Variants in MACROD2 observed in about 807,000 individuals in gnomAD.
MACROD2 encodes the protein ADP-ribose glycohydrolase MACROD2.
MACROD2 carries 36 observed loss-of-function variants against 70.4 expected under a neutral mutation model. The ratio of observed to expected loss-of-function variants is 0.51; its 90% confidence interval spans 0.39 to 0.68. The LOEUF is 0.68. Among genes scored for constraint, MACROD2 ranks in the 30% least tolerant of loss-of-function variants. The probability of loss-of-function intolerance (pLI) is 0.00; values close to 1 mark genes in which losing one functional copy is unlikely to be tolerated. For synonymous variants in MACROD2, 172 were observed against 178.8 expected (o/e 0.96, Z 0.30); for missense variants, 496 against 538.4 (o/e 0.92, Z 0.78).
chr20:15,589,537 A>T (rs2048649908), intron 8 of MACROD2, among the ~76,000 whole-genome samples: 1 of 152,130 alleles, frequency 6.6e-6, no homozygotes, highest in South Asian at 2.1e-4. Context: ...TGTCATTATC[A>T]CCCATAGTCC....
At chr20:15,120,811 C>A (rs1005434753) in intron 5 of MACROD2, among the ~76,000 whole-genome samples, 3 of 152,134 alleles carry the variant, frequency 2.0e-5, no homozygotes, top group African/African-American at 7.2e-5. Flanking sequence ...GTGGTAGAAA[C>A]ACTTAATAGC....
intron 5 of MACROD2, among the ~76,000 whole-genome samples, chr20:14,945,062 A>G (rs1043127359): frequency 6.6e-6 from 1 of 152,082 alleles, no homozygotes; most frequent in Non-Finnish European, 1.5e-5. Context: ...GCGTTTAAAA[A>G]TTGGAAGATT....
chr20:15,073,608 C>T (rs2075635913), intron 5 of MACROD2, among the ~76,000 whole-genome samples: 1 of 152,002 alleles, frequency 6.6e-6, no homozygotes. Flanking sequence ...TCATAATTCT[C>T]CTTATGTGTA....
In MACROD2 at chr20:15,887,660, G is replaced by C. The variant is rs550648817; in HGVS notation, c.775+1849G>C. 1.4e-4 allele frequency among the ~76,000 whole-genome samples: 22 copies of C among 152,216 alleles called. No individual in the cohort carries two copies. In the South Asian group the frequency reaches 2.7e-3, roughly 19 times the overall value. ...CTGACTCATGTTCTATTCTAATGCT[G>C]TCTAGTAGAAACATAATGTGAGCCT... On this transcript the variant is annotated intron_variant, in intron 10 of 17. Transcript: ENST00000684519.
intron 3 of MACROD2, among the ~76,000 whole-genome samples, chr20:14,442,921 A>G (rs1428067901): frequency 6.6e-6 from 1 of 151,918 alleles, no homozygotes; most frequent in East Asian, 1.9e-4. Flanking sequence ...CTAAAAATAC[A>G]AAAATAATTT....
chr20:14,463,119 C>G (rs1421162482), intron 3 of MACROD2, among the ~76,000 whole-genome samples: 1 of 152,010 alleles, frequency 6.6e-6, no homozygotes, highest in African/African-American at 2.4e-5. Flanking sequence ...TATAAATTAC[C>G]TTGGGCAGTA....
At position 15,846,911 on chromosome 20, in the gene MACROD2, T is replaced by TTATATATATATATATATATATA. The variant is rs33993940; in HGVS notation, c.646-15814_646-15793dup. ...GACCTTGACATAGTCAAAAAAAAAA[T>TTATATATATATATATATATATA]TATATATATATATATATATATATAT... On this transcript the variant is annotated intron_variant, in intron 8 of 17. Transcript: ENST00000684519. Among the ~76,000 whole-genome samples, 9 of 138,164 alleles carry TTATATATATATATATATATATA rather than the reference T, an allele frequency of 6.5e-5. 2 individuals are homozygous for TTATATATATATATATATATATA. Among genetic ancestry groups the TTATATATATATATATATATATA allele is most frequent in the South Asian group, 2.2e-4 (1 of 4,640 alleles). The allele number at this position is 138,164 out of a possible 152,430, so 90.6% of individuals were successfully genotyped here.
chr20:15,151,646 G>T (rs1173499395), intron 5 of MACROD2, among the ~76,000 whole-genome samples: 1 of 152,100 alleles, frequency 6.6e-6, no homozygotes, highest in Non-Finnish European at 1.5e-5. Context: ...AATGAGCCAT[G>T]AACTGGGCTG....
chr20:16,051,906 A>G lies in MACROD2; in HGVS notation c.*2030A>G, dbSNP rs561782106. Reference sequence around the variant, plus strand: ...AATGAACAATGATGGAAGAGACCTAATGTCCTTGCTAGAAACAGCCAGGAT... The same window carrying G: ...AATGAACAATGATGGAAGAGACCTAGTGTCCTTGCTAGAAACAGCCAGGAT... On this transcript the variant is annotated 3_prime_UTR_variant, in exon 18 of 18. Transcript: ENST00000684519. 5 of 152,284 alleles carry G rather than the reference A, an allele frequency of 3.3e-5. No individual in the cohort carries two copies. Among genetic ancestry groups the G allele is most frequent in the African/African-American group, 1.2e-4 (5 of 41,562 alleles). The allele number at this position is 152,284 out of a possible 1,614,324, so 9.4% of individuals were successfully genotyped here.
chr20:14,414,658 T>C (rs1232427280), intron 3 of MACROD2, among the ~76,000 whole-genome samples: 2 of 152,192 alleles, frequency 1.3e-5, no homozygotes, highest in East Asian at 3.8e-4. Flanking sequence ...ACCAAAACCC[T>C]TACCATGTCC....
At chr20:15,817,260 CT>C (rs1274353794) in intron 8 of MACROD2, among the ~76,000 whole-genome samples, 3 of 152,188 alleles carry the variant, frequency 2.0e-5, no homozygotes, top group African/African-American at 7.2e-5. Flanking sequence ...ATAAAGCGCA[CT>C]CATCCCAATA....
chr20:14,556,405 A>G (rs1979033604), intron 4 of MACROD2, among the ~76,000 whole-genome samples: 1 of 152,072 alleles, frequency 6.6e-6, no homozygotes, highest in South Asian at 2.1e-4. Flanking sequence ...TATCTGTCAT[A>G]TATCCTGAGC....
rs73897604 is a variant in MACROD2, at chr20:15,454,445, A to G, written c.571+23010A>G. ...CACACACACACACACACACACACAC[A>G]CACACACACCCTTATTATACAACTT... On this transcript the variant is annotated intron_variant, in intron 7 of 17. Coordinates refer to ENST00000684519, the MANE Select transcript of MACROD2 (RefSeq NM_001351661.2). Among the ~76,000 whole-genome samples, 134 of 123,870 alleles carry G rather than the reference A, an allele frequency of 1.1e-3. 1 individual carries two copies. Among genetic ancestry groups the G allele is most frequent in the African/African-American group, 3.5e-3 (127 of 36,004 alleles). 81.3% of individuals were successfully genotyped at this position (123,870 alleles called of 152,430 possible). A position where few individuals can be genotyped will look rare whatever the true frequency, so the allele number is the denominator to read the frequency against.
chr20:14,425,777 A>G (rs1436730157), intron 3 of MACROD2, among the ~76,000 whole-genome samples: 2 of 151,924 alleles, frequency 1.3e-5, no homozygotes, highest in Non-Finnish European at 2.9e-5. Context: ...CCTCTGTCCT[A>G]TCTATTGTTT....
intron 6 of MACROD2, among the ~76,000 whole-genome samples, chr20:15,302,134 T>C (rs943816156): frequency 2.0e-5 from 3 of 152,150 alleles, no homozygotes; most frequent in Non-Finnish European, 2.9e-5. Flanking sequence ...AAGGGCTCAA[T>C]TGAAACCTGT....
chr20:14,241,911 T>G (rs1177538858), intron 3 of MACROD2, among the ~76,000 whole-genome samples: 1 of 152,262 alleles, frequency 6.6e-6, no homozygotes, highest in Non-Finnish European at 1.5e-5. Context: ...AGAAAATGTA[T>G]GTTAATTAAT....
chr20:15,503,966 A>G (rs73897626), intron 8 of MACROD2, among the ~76,000 whole-genome samples: 8,725 of 152,270 alleles, frequency 0.057, 811 homozygotes, highest in African/African-American at 0.19. Flanking sequence ...GTTTGTGGCT[A>G]TCATTCCCCA....
At chr20:15,855,859 A>C (rs1182503059) in intron 8 of MACROD2, among the ~76,000 whole-genome samples, 1 of 152,078 alleles carries the variant, frequency 6.6e-6, no homozygotes, top group African/African-American at 2.4e-5. Context: ...TATGGTTATA[A>C]ATTTTTTGTT....
rs574835156 is a variant in MACROD2, at chr20:14,727,936, T to C, written c.418+42977T>C. ...CTACTGGAGGGGATTTAAAGGCTCT[T>C]GTGCAATCCTTTCATAGCCCATGAA... is the stretch of plus-strand genomic sequence containing the variant. On this transcript the variant is annotated intron_variant, in intron 5 of 17. Coordinates refer to ENST00000684519, the MANE Select transcript of MACROD2 (RefSeq NM_001351661.2). Among the ~76,000 whole-genome samples, 183 of 152,314 alleles carry C rather than the reference T, an allele frequency of 1.2e-3. 1 individual carries two copies. Among genetic ancestry groups the C allele is most frequent in the Non-Finnish European group, 2.0e-3 (133 of 68,016 alleles).
Sources: gnomAD v4.1 joint callset for allele counts (sites outside exome capture counted in the v4.1 genomes callset) on GRCh38, gnomAD v4.1.1 for gene constraint, MANE v1.5 for transcripts, NCBI Gene and HGNC (gene_info 2026-07-23, HGNC 2026-07-21) for gene names.